Variants in AXL observed in about 807,000 individuals in gnomAD.
AXL encodes the protein AXL receptor tyrosine kinase.
In AXL, 52 loss-of-function variants were observed where a neutral mutation model predicts 104.5. The observed-to-expected ratio is 0.50, with a 90% CI of 0.40 to 0.63. The LOEUF (loss-of-function observed/expected upper bound fraction) is 0.63, where lower values mean the gene tolerates loss of function less well. Among genes scored for constraint, AXL ranks in the 20% least tolerant of loss-of-function variants. The pLI, the probability that AXL is intolerant of heterozygous loss-of-function variation, is 0.00. For synonymous variants in AXL, 455 were observed against 473.7 expected, an observed-to-expected ratio of 0.96 and a Z score of 0.51; for missense variants, 1,024 against 1,188.5, an observed-to-expected ratio of 0.86 and a Z score of 2.04.
At chr19:41,222,828 C>A (rs1267086180) in intron 4 of AXL, among the ~76,000 whole-genome samples, 2 of 147,954 alleles carry the variant, frequency 1.4e-5, no homozygotes, top group African/African-American at 5.0e-5. Context: ...ATGGCAGGAA[C>A]CCGAGAGGCG....
In AXL at chr19:41,220,734, G is replaced by A. The variant is rs1441184611; in HGVS notation, c.184G>A (p.Gly62Arg). 1 of 1,614,146 alleles carries A rather than the reference G, an allele frequency of 6.2e-7. No homozygotes were observed. Among genetic ancestry groups the A allele is most frequent in the East Asian group, 2.2e-5 (1 of 44,860 alleles). ...CCTTCGGTGTCAGCTCCAGGTTCAG[G>A]GAGAGCCCCCCGAGGTACATTGGCT... ...GTLRCQLQVQ[G>R]EPPEVHWLRD... Residue 62 changes from glycine (G) to arginine (R), a missense_variant, in exon 2 of 20, where the codon GGA (glycine) becomes AGA (arginine). By Grantham distance (125) the Gly-to-Arg change is moderately radical. This residue lies in a region of AXL where 124 missense variants were observed against 115.5 expected (regional missense o/e 1.07). Coordinates refer to ENST00000301178, the MANE Select transcript of AXL (RefSeq NM_021913.5).
chr19:41,245,123 G>C (rs1436134630), intron 12 of AXL, among the ~76,000 whole-genome samples: 1 of 151,044 alleles, frequency 6.6e-6, no homozygotes, highest in African/African-American at 2.4e-5. Flanking sequence ...TAGAGACAAG[G>C]TTTCACCATA....
chr19:41,221,933 C>T lies in AXL; in HGVS notation c.463C>T (p.Pro155Ser), dbSNP rs1336522891. Residue 155 changes from proline to serine, a missense_variant, in exon 4 of 20, where the codon CCC becomes TCC. By Grantham distance (74) the Pro-to-Ser change is moderately conservative (BLOSUM62 -1). Around this residue, in one of 5 missense-constraint regions of AXL, gnomAD observed 332 missense variants for 343.9 expected, o/e 0.97. Coordinates refer to ENST00000301178, the MANE Select transcript of AXL (RefSeq NM_021913.5). ...AGACAGGACTGTGGCCGCCAACACC[C>T]CCTTCAACCTGAGCTGCCAAGCTCA... ...PEDRTVAANT[P>S]FNLSCQAQGP... The T allele has an allele frequency of 6.2e-7, 1 of 1,613,720 alleles. No individual in the cohort carries two copies. Among genetic ancestry groups the T allele is most frequent in the South Asian group, 1.1e-5 (1 of 91,002 alleles).
chr19:41,230,941 G>A (rs1212118266), intron 4 of AXL, 26 bp from the exon 5 acceptor site: 1 of 1,610,656 alleles, frequency 6.2e-7, no homozygotes, highest in Admixed American at 1.7e-5. Context: ...TCTGATATTG[G>A]ACCCTTCCCT....
At chr19:41,243,460 G>A (rs2034217864) in intron 11 of AXL, among the ~76,000 whole-genome samples, 156 bp from the exon 12 acceptor site, 1 of 152,126 alleles carries the variant, frequency 6.6e-6, no homozygotes, top group African/African-American at 2.4e-5. Flanking sequence ...TGGAATGAAT[G>A]GAAGGCAGAA....
chr19:41,221,814 A>T, intron 3 of AXL, 66 bp from the exon 4 acceptor site: 1 of 1,542,830 alleles, frequency 6.5e-7, no homozygotes, highest in Non-Finnish European at 8.8e-7. Flanking sequence ...ACAGCATCCT[A>T]GTGGTGAGTC....
intron 7 of AXL, 77 bp downstream of exon 7, chr19:41,238,231 C>T (rs931841827): frequency 1.3e-6 from 2 of 1,523,708 alleles, no homozygotes; most frequent in African/African-American, 2.7e-5. Context: ...CCCATTGTCC[C>T]CTTTCACTCC....
At chr19:41,230,648 G>A (rs2033968458) in intron 4 of AXL, among the ~76,000 whole-genome samples, 3 of 147,198 alleles carry the variant, frequency 2.0e-5, no homozygotes, top group Admixed American at 2.0e-4. Context: ...GAGTGTGTCT[G>A]TCTCTGGGGT....
Position 41,257,631 on chromosome 19 carries a change from T to A in AXL, c.2333+2T>A. The A allele has an allele frequency of 1.9e-6, 3 of 1,614,126 alleles. No individual in the cohort carries two copies. The highest frequency in any genetic ancestry group is 2.5e-6 in the Non-Finnish European group (3 of 1,180,000). On this transcript the variant is annotated splice_donor_variant, in intron 19 of 19. Transcript: ENST00000301178. LOFTEE classifies it high-confidence loss of function. Reference sequence around the variant, plus strand: ...GCCTGCGGACTGTCTGGATGGACTGTGAGGACCCTTAGGTCTCCCCCAACC... The same window carrying A: ...GCCTGCGGACTGTCTGGATGGACTGAGAGGACCCTTAGGTCTCCCCCAACC...
At chr19:41,255,120 C>T (rs1315569013) in intron 17 of AXL, among the ~76,000 whole-genome samples, 1 of 152,158 alleles carries the variant, frequency 6.6e-6, no homozygotes, top group Non-Finnish European at 1.5e-5. Context: ...GCTAGTTTAG[C>T]CTGTTCTGAA....
At chr19:41,243,276 G>C (rs542056196) in intron 11 of AXL, among the ~76,000 whole-genome samples, 2 of 152,150 alleles carry the variant, frequency 1.3e-5, no homozygotes, top group East Asian at 1.9e-4. Context: ...AAAAATTAGC[G>C]GGAAGTGTAG....
intron 9 of AXL, 99 bp from the exon 10 acceptor site, chr19:41,239,595 C>G: frequency 7.1e-7 from 1 of 1,405,148 alleles, no homozygotes; most frequent in Non-Finnish European, 9.6e-7. Context: ...GTGCCACACC[C>G]TCACTCCCTT....
rs2087563390 is a variant in AXL at position 41,238,003 on chromosome 19, G to A, written c.843G>A (p.Glu281=). 6.2e-7 allele frequency: 1 copy of A among 1,613,648 alleles called. No homozygotes were observed. Among genetic ancestry groups the A allele is most frequent in the African/African-American group, 1.3e-5 (1 of 74,802 alleles). ...IQAGEPDPPE[E]PLTSQASVPP... Reference sequence around the variant, plus strand: ...CGGGAGAACCAGACCCCCCAGAGGAGCCCCTCACCTCGCAAGCATCCGTGC... The same window carrying A: ...CGGGAGAACCAGACCCCCCAGAGGAACCCCTCACCTCGCAAGCATCCGTGC... Residue 281 remains glutamate (E), a synonymous_variant, in exon 7 of 20, where the codon GAG becomes GAA. Transcript: ENST00000301178.
intron 4 of AXL, among the ~76,000 whole-genome samples, chr19:41,228,850 C>T (rs2122214242): frequency 6.6e-6 from 1 of 152,240 alleles, no homozygotes; most frequent in South Asian, 2.1e-4. Flanking sequence ...TGAGAAGAAC[C>T]AAAGAGGAAA....
chr19:41,252,164 T>C (rs1243849979), intron 14 of AXL, among the ~76,000 whole-genome samples, 187 bp from the exon 15 acceptor site: 3 of 146,268 alleles, frequency 2.1e-5, no homozygotes, highest in South Asian at 2.2e-4. Flanking sequence ...ATATATTATA[T>C]ACACACACAC....
At chr19:41,243,047 G>T in intron 11 of AXL, 32 bp downstream of exon 11, 1 of 1,613,708 alleles carries the variant, frequency 6.2e-7, no homozygotes, top group Non-Finnish European at 8.5e-7. Context: ...AGGCTGTGTG[G>T]CCTGGGATGG....
chr19:41,233,541 C>T (rs2034029726), intron 6 of AXL, among the ~76,000 whole-genome samples: 1 of 150,952 alleles, frequency 6.6e-6, no homozygotes, highest in Non-Finnish European at 1.5e-5. Context: ...TGAAGTGGGA[C>T]AATCACCTGA....
chr19:41,243,655 A>G lies in AXL; in HGVS notation c.1485A>G (p.Val495=), dbSNP rs1037902067. 4 of 1,614,022 alleles carry G rather than the reference A, an allele frequency of 2.5e-6. No individual in the cohort carries two copies. The highest frequency in any genetic ancestry group is 3.4e-6 in the Non-Finnish European group (4 of 1,180,034). ...FEPTVERGEL[V]VRYRVRKSYS... ...CAACAGTGGAAAGAGGTGAACTGGTAGTCAGGTACCGCGTGCGCAAGTCCT... is the reference window on the plus strand; with the variant it reads ...CAACAGTGGAAAGAGGTGAACTGGTGGTCAGGTACCGCGTGCGCAAGTCCT... Residue 495 remains valine, a synonymous_variant, in exon 12 of 20, where the codon GTA becomes GTG. Coordinates refer to ENST00000301178, the MANE Select transcript of AXL (RefSeq NM_021913.5).
chr19:41,247,222 C>A (rs1253743847), intron 12 of AXL, among the ~76,000 whole-genome samples: 1 of 152,152 alleles, frequency 6.6e-6, no homozygotes, highest in African/African-American at 2.4e-5. Flanking sequence ...TTGTGAAAAT[C>A]CACTGAGTTG....
Sources: allele counts gnomAD v4.1 joint callset (sites outside exome capture counted in the v4.1 genomes callset), GRCh38; gene constraint gnomAD v4.1.1; regional missense constraint gnomAD v4.1.1; transcripts MANE v1.5; gene names NCBI Gene and HGNC (gene_info 2026-07-23, HGNC 2026-07-21).